The following ORC1 variants were observed in gnomAD, a reference collection of about 807,000 sequenced individuals.
The protein encoded by ORC1 is origin recognition complex, subunit 1 homolog.
A neutral mutation model predicts 98.9 loss-of-function variants in ORC1; 61 were observed. That is an observed-to-expected ratio of 0.62 (90% CI 0.50 to 0.76). The LOEUF is 0.76. ORC1 is among the 30% of genes least tolerant of loss of function. ORC1 has a pLI of 0.00. For synonymous variants in ORC1, 385 were observed against 406.9 expected, an observed-to-expected ratio of 0.95 and a Z score of 0.65; for missense variants, 979 against 1,072.2, an observed-to-expected ratio of 0.91 and a Z score of 1.21.
chr1:52,393,177 T>C (rs1306174173), intron 6 of ORC1, among the ~76,000 whole-genome samples: 1 of 152,212 alleles, frequency 6.6e-6, no homozygotes, highest in Non-Finnish European at 1.5e-5. Flanking sequence ...GGAAGTTATC[T>C]TCTATAGCAA....
chr1:52,397,197 G>A (rs1647444762), intron 4 of ORC1, among the ~76,000 whole-genome samples: 2 of 152,140 alleles, frequency 1.3e-5, no homozygotes, highest in African/African-American at 4.8e-5. Flanking sequence ...CCATGCTGGG[G>A]AGCCTGAAGT....
intron 8 of ORC1, among the ~76,000 whole-genome samples, chr1:52,387,395 C>T (rs1040948543): frequency 4.6e-5 from 7 of 152,150 alleles, no homozygotes; most frequent in Non-Finnish European, 8.8e-5. Flanking sequence ...TTGTCTTCCA[C>T]GAAGGGGGTC....
At chr1:52,399,451 C>T (rs113482371) in intron 3 of ORC1, among the ~76,000 whole-genome samples, 4,945 of 151,836 alleles carry the variant, frequency 0.033, 266 homozygotes, top group African/African-American at 0.11. Flanking sequence ...GGTGAAACCC[C>T]GTCTCTACTA....
chr1:52,385,053 G>A, intron 10 of ORC1, 108 bp downstream of exon 10: 2 of 817,680 alleles, frequency 2.4e-6, no homozygotes, highest in Non-Finnish European at 4.4e-6. Context: ...ATTTGGTCTA[G>A]TCTGCTGATA....
chr1:52,376,486 G>A (rs2147911304), intron 14 of ORC1, among the ~76,000 whole-genome samples: 1 of 152,086 alleles, frequency 6.6e-6, no homozygotes, highest in East Asian at 1.9e-4. Context: ...CTGCACTCCA[G>A]TCTAGAGTCC....
At chr1:52,398,727 G>A (rs956530687) in intron 3 of ORC1, among the ~76,000 whole-genome samples, 3 of 151,848 alleles carry the variant, frequency 2.0e-5, no homozygotes, top group African/African-American at 7.3e-5. Flanking sequence ...GATTACAGGC[G>A]CCCGCCATCA....
intron 3 of ORC1, 125 bp from the exon 4 acceptor site, chr1:52,397,988 GAC>G: frequency 1.1e-6 from 1 of 911,802 alleles, no homozygotes; most frequent in Non-Finnish European, 1.8e-6. Flanking sequence ...TGTTTTTTGA[GAC>G]AGAGTCTCTG....
At chr1:52,394,688 G>A (rs1264297640) in intron 5 of ORC1, among the ~76,000 whole-genome samples, 2 of 152,002 alleles carry the variant, frequency 1.3e-5, no homozygotes, top group African/African-American at 4.8e-5. Context: ...TTGCTCTGTT[G>A]CTCAGACTGG....
At position 52,397,844 on chromosome 1, in the gene ORC1, C is replaced by T. The variant is rs1647489530; in HGVS notation, c.243G>A (p.Lys81=). 1 of 1,614,102 alleles carries T rather than the reference C, an allele frequency of 6.2e-7. No homozygotes were observed. Among genetic ancestry groups the T allele is most frequent in the South Asian group, 1.1e-5 (1 of 91,082 alleles). ...CAAACCACTGTACTCGAGCACGTTT[C>T]TTAGGAGGAGGATCAGAGTCTAGAA... ...LFEDDSDPPP[K]KRARVQWFVR... is the part of the protein sequence containing the mutation. The change falls in exon 4 of 17, where the codon AAG becomes AAA. Residue 81 remains lysine (K), a synonymous_variant. Coordinates refer to ENST00000371568, the MANE Select transcript of ORC1 (RefSeq NM_004153.4).
At chr1:52,376,874 A>G (rs897292790) in intron 14 of ORC1, among the ~76,000 whole-genome samples, 5 of 152,150 alleles carry the variant, frequency 3.3e-5, no homozygotes, top group African/African-American at 1.2e-4. Flanking sequence ...ACCTAACAGG[A>G]CATCCTGCAG....
At position 52,385,175 on chromosome 1, in the gene ORC1, A is replaced by G. The variant is rs775945475; in HGVS notation, c.1569T>C (p.Leu523=). The G allele has an allele frequency of 3.1e-6, 5 of 1,611,712 alleles. No individual in the cohort carries two copies. Among genetic ancestry groups the G allele is most frequent in the African/African-American group, 1.3e-5 (1 of 75,002 alleles). Residue 523 remains leucine, a synonymous_variant, in exon 10 of 17, where the codon CTT becomes CTC. Transcript: ENST00000371568. ...ACATGACTCACCCTCCGGTATGGTC[A>G]AGGAGTTTGCTTTCCACAAAATTGT... ...DIYNFVESKL[L]DHTGGCMYIS...
intron 9 of ORC1, 55 bp from the exon 10 acceptor site, chr1:52,385,317 A>C: frequency 9.3e-7 from 1 of 1,076,522 alleles, no homozygotes; most frequent in Non-Finnish European, 1.5e-6. Context: ...TTCCCCAACC[A>C]TCTACTCATT....
rs58266239 is a variant in ORC1, at chr1:52,377,703, CAA to C, written c.2134-2106_2134-2105del. On this transcript the variant is annotated intron_variant, in intron 14 of 16. Transcript: ENST00000371568. Reference sequence around the variant, plus strand: ...TAACAGTTGGTAGTGCCCCTAGAAGCAAAAAAAAAAAAAAAAAAAAACAAATT... The same window carrying C: ...TAACAGTTGGTAGTGCCCCTAGAAGCAAAAAAAAAAAAAAAAAAACAAATT... 8.0e-3 allele frequency among the ~76,000 whole-genome samples: 473 copies of C among 58,778 alleles called. 3 individuals carry two copies. Among genetic ancestry groups the C allele is most frequent in the African/African-American group, 0.023 (430 of 18,414 alleles). 38.6% of individuals were successfully genotyped at this position (58,778 alleles called of 152,430 possible).
intron 4 of ORC1, among the ~76,000 whole-genome samples, chr1:52,397,106 A>G (rs1437861930): frequency 6.6e-6 from 1 of 152,174 alleles, no homozygotes; most frequent in African/African-American, 2.4e-5. Context: ...TAAGATAATC[A>G]TGCCAGACGA....
At chr1:52,389,723 G>A (rs1464218665) in intron 6 of ORC1, among the ~76,000 whole-genome samples, 1 of 152,158 alleles carries the variant, frequency 6.6e-6, no homozygotes, top group Non-Finnish European at 1.5e-5. Context: ...ACCTATTATG[G>A]AACAGGTGCT....
In ORC1 at chr1:52,398,189, C is replaced by T. The variant is rs1048126595; in HGVS notation, c.224-326G>A. 3.9e-5 allele frequency among the ~76,000 whole-genome samples: 6 copies of T among 151,988 alleles called. No homozygotes were observed. In the South Asian group the frequency reaches 6.2e-4, roughly 16 times the overall value. On this transcript the variant is annotated intron_variant, in intron 3 of 16. Coordinates refer to ENST00000371568, the MANE Select transcript of ORC1 (RefSeq NM_004153.4). ...ACGTTGGCCAGGCTGGTCTCAAACT[C>T]GTGACCTCACGTGATCTGCCTACCT...
chr1:52,404,018 C>G (rs928181357), intron 1 of ORC1, among the ~76,000 whole-genome samples: 1 of 152,198 alleles, frequency 6.6e-6, no homozygotes, highest in African/African-American at 2.4e-5. Flanking sequence ...CTTCCGCCTT[C>G]CCCCCTGCAA....
In ORC1 at chr1:52,385,841, A is replaced by G. The variant is rs759202397; in HGVS notation, c.1481+11T>C. 2 of 1,598,280 alleles carry G rather than the reference A, an allele frequency of 1.3e-6. No individual in the cohort carries two copies. Among genetic ancestry groups the G allele is most frequent in the South Asian group, 2.2e-5 (2 of 90,766 alleles). On this transcript the variant is annotated intron_variant, in intron 9 of 16. Coordinates refer to ENST00000371568, the MANE Select transcript of ORC1 (RefSeq NM_004153.4). ...CCTGCCTCTCTGAAGGGGAATCAACAGCAGCAGTACCTCAGTCGGGCTTCC... is the reference window on the plus strand; with the variant it reads ...CCTGCCTCTCTGAAGGGGAATCAACGGCAGCAGTACCTCAGTCGGGCTTCC...
Position 52,375,723 on chromosome 1 carries a change from G to A in ORC1, c.2134-124C>T. 5.9e-6 allele frequency: 5 copies of A among 842,518 alleles called. No homozygotes were observed. In the South Asian group the frequency reaches 7.0e-5, roughly 12 times the overall value. 52.2% of individuals were successfully genotyped at this position (842,518 alleles called of 1,614,324 possible). ...ACTTAGCCCTGGCAGGGAACCTGGAGGAAGAATAGAAATGAATTATTACAT... is the reference window on the plus strand; with the variant it reads ...ACTTAGCCCTGGCAGGGAACCTGGAAGAAGAATAGAAATGAATTATTACAT... On this transcript the variant is annotated intron_variant, in intron 14 of 16. Transcript: ENST00000371568.
Sources: gnomAD v4.1 joint callset for allele counts (sites outside exome capture counted in the v4.1 genomes callset) on GRCh38, gnomAD v4.1.1 for gene constraint, MANE v1.5 for transcripts, NCBI Gene and HGNC (gene_info 2026-07-23, HGNC 2026-07-21) for gene names.